GPC3: variants seen among roughly 807,000 people sequenced by gnomAD.
The protein encoded by GPC3 is glypican-3.
A neutral mutation model predicts 34.4 loss-of-function variants in GPC3; 3 were observed. The ratio of observed to expected loss-of-function variants is 0.09; its 90% CI spans 0.04 to 0.23. GPC3 has a LOEUF of 0.23. Ranked by LOEUF, GPC3 falls within the 10% of genes least tolerant of loss-of-function variation. The probability of loss-of-function intolerance (pLI) is 1.00; values close to 1 mark genes in which losing one functional copy is unlikely to be tolerated. For missense variants in GPC3, 351 were observed against 445.6 expected, an observed-to-expected ratio of 0.79 and a Z score of 1.91; for synonymous variants, 177 against 174.0, an observed-to-expected ratio of 1.02 and a Z score of -0.13.
At chrX:133,706,106 C>A (rs750159336) in intron 3 of GPC3, among the ~76,000 whole-genome samples, 43 of 111,770 alleles carry the variant, frequency 3.8e-4, no homozygotes, top group Non-Finnish European at 4.7e-4. Context: ...AAGTTGACTC[C>A]CTATTCAATA....
chrX:133,659,221 A>G (rs1278630219), intron 6 of GPC3, among the ~76,000 whole-genome samples: 1 of 112,756 alleles, frequency 8.9e-6, no homozygotes. Context: ...TTATGCGCCT[A>G]GCAAAATCTA....
intron 7 of GPC3, among the ~76,000 whole-genome samples, chrX:133,553,686 C>G (rs2069457535): frequency 9.0e-6 from 1 of 111,393 alleles, no homozygotes; most frequent in Non-Finnish European, 1.9e-5. Context: ...CTAGAAGTGC[C>G]CCTTGGAATA....
intron 7 of GPC3, among the ~76,000 whole-genome samples, chrX:133,571,826 T>A (rs1603166958): frequency 1.8e-5 from 2 of 111,932 alleles, no homozygotes; most frequent in Admixed American, 1.9e-4. Context: ...GACAGTGGAA[T>A]TGGAATGTCA....
At chrX:133,665,066 G>A (rs7884221) in intron 5 of GPC3, among the ~76,000 whole-genome samples, 7,872 of 111,823 alleles carry the variant, frequency 0.07, 699 homozygotes, top group African/African-American at 0.24. Context: ...CTGATTAACA[G>A]TAATTTGTAA....
rs374968487 is a variant in GPC3, at chrX:133,854,483, G to A, written c.337+98567C>T. ...ATTAAGATATGGGCCTGGTTGTCAAGGAGCTTATGATTTATTTAGCGGCTG... is the reference window on the plus strand; with the variant it reads ...ATTAAGATATGGGCCTGGTTGTCAAAGAGCTTATGATTTATTTAGCGGCTG... On this transcript the variant is annotated intron_variant, in intron 2 of 7. Transcript: ENST00000370818. Among the ~76,000 whole-genome samples, 41 of 111,947 alleles carry A rather than the reference G, an allele frequency of 3.7e-4. 1 individual carries two copies. In the South Asian group the frequency reaches 0.015, roughly 41 times the overall value.
At chrX:133,600,649 AG>A (rs1303067946) in intron 6 of GPC3, among the ~76,000 whole-genome samples, 1 of 111,762 alleles carries the variant, frequency 8.9e-6, no homozygotes, top group Non-Finnish European at 1.9e-5. Context: ...AAGAGACTGA[AG>A]CTCCAGAGTG....
Position 133,829,958 on chromosome X carries a change from C to T in GPC3, c.338-75782G>A, listed in dbSNP as rs189467585. Among the ~76,000 whole-genome samples, 394 of 112,346 alleles carry T rather than the reference C, an allele frequency of 3.5e-3. 2 individuals are homozygous for T. Among genetic ancestry groups the T allele is most frequent in the African/African-American group, 0.012 (367 of 30,946 alleles). On this transcript the variant is annotated intron_variant, in intron 2 of 7. Transcript: ENST00000370818. ...CCCAAATTTATCTACATTAACACAACTGATCTAATTAACACAATTCCTATC... is the reference window on the plus strand; with the variant it reads ...CCCAAATTTATCTACATTAACACAATTGATCTAATTAACACAATTCCTATC...
chrX:133,874,307 T>C (rs1257291306), intron 2 of GPC3, among the ~76,000 whole-genome samples: 1 of 112,056 alleles, frequency 8.9e-6, no homozygotes. Context: ...GACCAATAAT[T>C]TCTTTAGCAT....
chrX:133,559,091 CT>C lies in GPC3; in HGVS notation c.1574-22799del, dbSNP rs887303699. Among the ~76,000 whole-genome samples, 88 of 108,019 alleles carry C rather than the reference CT, an allele frequency of 8.1e-4. 1 individual carries two copies. Among genetic ancestry groups the C allele is most frequent in the African/African-American group, 2.9e-3 (85 of 29,745 alleles). The allele number at this position is 108,019 out of a possible 115,157, so 93.8% of individuals were successfully genotyped here. On this transcript the variant is annotated intron_variant, in intron 7 of 7. Transcript: ENST00000370818. ...GTAACATTTCTTTCTTTCTTTCTTT[CT>C]TTTTTTTTCTTTTGAGACAAAATCT...
At chrX:133,648,894 C>T (rs920476843) in intron 6 of GPC3, among the ~76,000 whole-genome samples, 1 of 112,186 alleles carries the variant, frequency 8.9e-6, no homozygotes, top group African/African-American at 3.2e-5. Context: ...TTTTTAAAGT[C>T]TTGTCTAATT....
intron 2 of GPC3, among the ~76,000 whole-genome samples, chrX:133,801,430 C>T (rs771828373): frequency 7.1e-5 from 8 of 112,022 alleles, no homozygotes; most frequent in Admixed American, 4.7e-4. Flanking sequence ...TGCTTGCTAA[C>T]ATGTGTTTAT....
intron 6 of GPC3, among the ~76,000 whole-genome samples, chrX:133,655,493 C>G (rs1204924453): frequency 2.8e-5 from 3 of 108,555 alleles, no homozygotes; most frequent in African/African-American, 1.0e-4. Flanking sequence ...CACACACACA[C>G]ACACACACAC....
chrX:133,847,430 G>A (rs1433310710), intron 2 of GPC3, among the ~76,000 whole-genome samples: 6 of 111,871 alleles, frequency 5.4e-5, no homozygotes, highest in Admixed American at 1.9e-4. Flanking sequence ...TCAATTTCAG[G>A]TCCCACTGCG....
intron 6 of GPC3, among the ~76,000 whole-genome samples, chrX:133,613,879 T>G (rs1159845463): frequency 8.9e-6 from 1 of 112,449 alleles, no homozygotes. Context: ...TGTTTTATAA[T>G]GATGTCCCAT....
Position 133,692,466 on chromosome X carries a change from T to C in GPC3, c.1195A>G (p.Ile399Val). Residue 399 changes from isoleucine to valine, a missense_variant, in exon 5 of 8, where the codon ATC (isoleucine) becomes GTC (valine). By Grantham distance (29) the Ile-to-Val change is conservative. Coordinates refer to ENST00000370818, the MANE Select transcript of GPC3 (RefSeq NM_004484.4). ...CCAGGCAAAGCACTATAGAAGCTGA[T>C]GAAAGACTTCAACTTCTGAATTAGT... ...RELIQKLKSF[I>V]SFYSALPGYI... 1.7e-6 allele frequency: 2 copies of C among 1,205,735 alleles called. No individual in the cohort carries two copies. Among genetic ancestry groups the C allele is most frequent in the Non-Finnish European group, 2.2e-6 (2 of 889,721 alleles).
At chrX:133,660,104 C>A (rs2070703302) in intron 6 of GPC3, among the ~76,000 whole-genome samples, 1 of 112,022 alleles carries the variant, frequency 8.9e-6, no homozygotes, top group Admixed American at 9.5e-5. Context: ...GAGTACAGAG[C>A]ACCTTATCAG....
chrX:133,611,845 G>A (rs1236947582), intron 6 of GPC3, among the ~76,000 whole-genome samples: 2 of 111,842 alleles, frequency 1.8e-5, no homozygotes, highest in Non-Finnish European at 3.8e-5. Flanking sequence ...TTTCTGGAGA[G>A]AGGCAGGAAC....
chrX:133,825,045 C>T (rs982127082), intron 2 of GPC3, among the ~76,000 whole-genome samples: 14 of 111,105 alleles, frequency 1.3e-4, no homozygotes, highest in African/African-American at 2.9e-4. Flanking sequence ...TTAGTAGAGA[C>T]GGGGTTTCAC....
At chrX:133,776,073 C>T (rs1367013275) in intron 2 of GPC3, among the ~76,000 whole-genome samples, 4 of 111,330 alleles carry the variant, frequency 3.6e-5, no homozygotes, top group Non-Finnish European at 7.5e-5. Flanking sequence ...TCAAAGAAGC[C>T]TTTTCCAGTC....
Sources: allele counts gnomAD v4.1 joint callset (sites outside exome capture counted in the v4.1 genomes callset), GRCh38; gene constraint gnomAD v4.1.1; transcripts MANE v1.5; gene names NCBI Gene and HGNC (gene_info 2026-07-23, HGNC 2026-07-21).